CACNA1C: variants seen among roughly 807,000 people sequenced by gnomAD.
The protein encoded by CACNA1C is calcium voltage-gated channel subunit alpha1 C, also known as voltage-dependent L-type calcium channel subunit alpha-1C.
In CACNA1C, 30 loss-of-function variants were observed where a neutral mutation model predicts 229.0. That is an observed-to-expected ratio of 0.13 (90% CI 0.10 to 0.18). The LOEUF (loss-of-function observed/expected upper bound fraction) is 0.18. Ranked by LOEUF, CACNA1C falls within the 10% of genes least tolerant of loss-of-function variation. CACNA1C has a pLI of 1.00. For missense variants in CACNA1C, 1,658 were observed against 2,845.0 expected (o/e 0.58, Z 9.49); for synonymous variants, 1,114 against 1,132.5 (o/e 0.98, Z 0.33).
At chr12:2,627,576 G>C (rs925653557) in intron 29 of CACNA1C, among the ~76,000 whole-genome samples, 1 of 152,080 alleles carries the variant, frequency 6.6e-6, no homozygotes, top group Non-Finnish European at 1.5e-5. Context: ...CCAGCGCCCT[G>C]CCTGGCGCAC....
At chr12:2,350,117 G>T (rs1180793688) in intron 3 of CACNA1C, among the ~76,000 whole-genome samples, 1 of 152,112 alleles carries the variant, frequency 6.6e-6, no homozygotes, top group African/African-American at 2.4e-5. Flanking sequence ...ACCTCCTTTT[G>T]GGGGGCCTAT....
intron 3 of CACNA1C, among the ~76,000 whole-genome samples, chr12:2,290,887 C>A (rs2093423635): frequency 1.3e-5 from 2 of 152,206 alleles, no homozygotes; most frequent in African/African-American, 4.8e-5. Flanking sequence ...CCTAGGGATG[C>A]TGTCTGGACT....
rs554434721 is a variant in CACNA1C, at chr12:2,301,204, A to G, written c.478-147772A>G. ...AGCTGATGGTGGTTGGGTGGGGTGT[A>G]GGCGACAGGAGAGCAGGTGGCCTCC... On this transcript the variant is annotated intron_variant, in intron 3 of 46. Transcript: ENST00000399655. Among the ~76,000 whole-genome samples the G allele has an allele frequency of 7.9e-4, 121 of 152,304 alleles. 1 individual carries two copies. The highest frequency in any genetic ancestry group is 2.9e-3 in the African/African-American group (120 of 41,568).
At chr12:2,336,562 G>A (rs138744055) in intron 3 of CACNA1C, among the ~76,000 whole-genome samples, 29 of 152,224 alleles carry the variant, frequency 1.9e-4, no homozygotes, top group Admixed American at 1.8e-3. Context: ...ATGAGATGAG[G>A]GCTTAAAGGG....
At position 2,291,570 on chromosome 12, in the gene CACNA1C, G is replaced by A. The variant is rs144770376; in HGVS notation, c.478-157406G>A. On this transcript the variant is annotated intron_variant, in intron 3 of 46. Transcript: ENST00000399655. The stretch of plus-strand genomic sequence containing the variant: ...GCTTTTGTTCGGTCTTGTGTTTAGC[G>A]TAAATATAGTTTTATTGAAACTCGT... 5.1e-3 allele frequency among the ~76,000 whole-genome samples: 773 copies of A among 152,300 alleles called. 4 individuals carry two copies. The highest frequency in any genetic ancestry group is 0.014 in the Middle Eastern group (4 of 294).
intron 18 of CACNA1C, among the ~76,000 whole-genome samples, chr12:2,592,325 T>C (rs1601420664): frequency 6.6e-6 from 1 of 152,128 alleles, no homozygotes; most frequent in Non-Finnish European, 1.5e-5. Context: ...GGTATAGAGG[T>C]ACTGTTATTA....
Position 2,649,244 on chromosome 12 carries a change from G to GTGACCT in CACNA1C, c.3945+741_3945+746dup, listed in dbSNP as rs1393113304. Among the ~76,000 whole-genome samples, 4 of 152,236 alleles carry GTGACCT rather than the reference G, an allele frequency of 2.6e-5. No individual in the cohort carries two copies. Among genetic ancestry groups the GTGACCT allele is most frequent in the Non-Finnish European group, 5.9e-5 (4 of 68,040 alleles). On this transcript the variant is annotated intron_variant, in intron 31 of 46. Coordinates refer to ENST00000399655, the MANE Select transcript of CACNA1C (RefSeq NM_000719.7). The surrounding 1 kb of genome is among the most constrained non-coding windows in gnomAD (Gnocchi z 4.4). Reference sequence around the variant, plus strand: ...AGTGATAAAAGAGACGCCATTCAGTGTGACCTTGAAGCCTCCTTGGCCCAG... The same window carrying GTGACCT: ...AGTGATAAAAGAGACGCCATTCAGTGTGACCTTGACCTTGAAGCCTCCTTGGCCCAG...
intron 7 of CACNA1C, among the ~76,000 whole-genome samples, chr12:2,494,652 G>A (rs573585007): frequency 5.3e-5 from 8 of 152,344 alleles, no homozygotes; most frequent in South Asian, 2.1e-4. Flanking sequence ...CAAGAGAGGC[G>A]TTGACTTCTT....
At chr12:2,549,130 T>C (rs1342987543) in intron 9 of CACNA1C, among the ~76,000 whole-genome samples, 1 of 152,208 alleles carries the variant, frequency 6.6e-6, no homozygotes, top group Admixed American at 6.5e-5. Flanking sequence ...CTCCCATTGT[T>C]CTGGAAATTC....
At chr12:2,606,697 G>C (rs2153431495) in intron 25 of CACNA1C, 34 bp downstream of exon 25, 1 of 1,586,134 alleles carries the variant, frequency 6.3e-7, no homozygotes, top group Non-Finnish European at 8.6e-7. Context: ...CAGGGCCACG[G>C]CCGGTCAGCC....
At chr12:2,690,842 C>T in intron 46 of CACNA1C, 58 bp from the exon 47 acceptor site, 1 of 1,459,136 alleles carries the variant, frequency 6.9e-7, no homozygotes, top group Admixed American at 2.4e-5. Context: ...AAGGGAAGAG[C>T]TGGGCTCCAG....
Position 2,516,283 on chromosome 12 carries a change from G to T in CACNA1C, c.1390+3299G>T, listed in dbSNP as rs193294613. Among the ~76,000 whole-genome samples, 956 of 152,256 alleles carry T rather than the reference G, an allele frequency of 6.3e-3. 8 individuals are homozygous for T. Among genetic ancestry groups the T allele is most frequent in the African/African-American group, 0.02 (825 of 41,544 alleles). ...GAGGCTTGTGCAGCTGGAGAGGAGG[G>T]AGTAAGGGGGTGAATGGTGTAAGGT... On this transcript the variant is annotated intron_variant, in intron 9 of 46. Coordinates refer to ENST00000399655, the MANE Select transcript of CACNA1C (RefSeq NM_000719.7).
chr12:2,589,717 G>C (rs1024698564), intron 18 of CACNA1C, among the ~76,000 whole-genome samples: 2 of 152,112 alleles, frequency 1.3e-5, no homozygotes, highest in Non-Finnish European at 2.9e-5. Flanking sequence ...TGTGAATAAA[G>C]AGCAGTGGTG....
At position 2,446,368 on chromosome 12, in the gene CACNA1C, G is replaced by GTGGATGGA. The variant is rs368724942; in HGVS notation, c.478-2592_478-2585dup. ...TATATGTATGTATGTGTGTGGGTGGGTGGATGGATGGATGGATGGATGGGT... is the reference window on the plus strand; with the variant it reads ...TATATGTATGTATGTGTGTGGGTGGGTGGATGGATGGATGGATGGATGGATGGATGGGT... On this transcript the variant is annotated intron_variant, in intron 3 of 46. Transcript: ENST00000399655. 1.6e-3 allele frequency among the ~76,000 whole-genome samples: 224 copies of GTGGATGGA among 140,762 alleles called. 2 individuals are homozygous for GTGGATGGA. Among genetic ancestry groups the GTGGATGGA allele is most frequent in the Non-Finnish European group, 2.9e-3 (185 of 63,998 alleles). The allele number at this position is 140,762 out of a possible 152,430, so 92.3% of individuals were successfully genotyped here.
intron 9 of CACNA1C, among the ~76,000 whole-genome samples, chr12:2,535,163 G>A (rs1318291225): frequency 1.3e-5 from 2 of 152,204 alleles, no homozygotes; most frequent in African/African-American, 4.8e-5. Context: ...GCCGAGGCGG[G>A]CAGATCACGA....
intron 1 of CACNA1C, among the ~76,000 whole-genome samples, chr12:2,084,461 A>G (rs1361404202): frequency 6.6e-6 from 1 of 152,210 alleles, no homozygotes; most frequent in African/African-American, 2.4e-5. Flanking sequence ...TTTTTGAAGC[A>G]GACTATTATG....
chr12:2,079,568 C>A (rs1467619690), intron 1 of CACNA1C, among the ~76,000 whole-genome samples: 1 of 152,174 alleles, frequency 6.6e-6, no homozygotes, highest in Non-Finnish European at 1.5e-5. Flanking sequence ...ATCTTTATGA[C>A]CTAATTACCT....
intron 3 of CACNA1C, among the ~76,000 whole-genome samples, chr12:2,301,181 C>T (rs956672914): frequency 6.6e-6 from 1 of 152,160 alleles, no homozygotes; most frequent in Non-Finnish European, 1.5e-5. Flanking sequence ...CAGGGCTGAG[C>T]TGATGGTGGT....
intron 1 of CACNA1C, among the ~76,000 whole-genome samples, chr12:2,085,467 A>C (rs561401078): frequency 6.6e-6 from 1 of 152,244 alleles, no homozygotes; most frequent in African/African-American, 2.4e-5. Flanking sequence ...TCTTTCTGTG[A>C]TCAACTTGGT....
Sources: allele counts gnomAD v4.1 joint callset (sites outside exome capture counted in the v4.1 genomes callset), GRCh38; gene constraint gnomAD v4.1.1; non-coding constraint Gnocchi (gnomAD v3.1); transcripts MANE v1.5; gene names NCBI Gene and HGNC (gene_info 2026-07-23, HGNC 2026-07-21).